FHIT: variants seen among roughly 807,000 people sequenced by gnomAD.
The protein encoded by FHIT is bis(5'-adenosyl)-triphosphatase.
A neutral mutation model predicts 17.9 loss-of-function variants in FHIT; 19 were observed. The ratio of observed to expected loss-of-function variants is 1.06; its 90% CI spans 0.74 to 1.56. FHIT has a LOEUF of 1.56. Among genes scored for constraint, FHIT ranks in the 40% most tolerant of loss-of-function variants. The pLI is 0.00. For missense variants in FHIT, 248 were observed against 189.2 expected, an observed-to-expected ratio of 1.31 and a Z score of -1.82; for synonymous variants, 81 against 69.7, an observed-to-expected ratio of 1.16 and a Z score of -0.81.
intron 5 of FHIT, among the ~76,000 whole-genome samples, chr3:60,038,035 GAATA>G (rs772799179): frequency 1.2e-4 from 19 of 152,136 alleles, no homozygotes; most frequent in Admixed American, 2.6e-4. Context: ...TCTATACTGA[GAATA>G]AATAAACACC....
chr3:61,177,787 AG>A (rs2038204600), intron 2 of FHIT, among the ~76,000 whole-genome samples: 1 of 152,248 alleles, frequency 6.6e-6, no homozygotes, highest in Non-Finnish European at 1.5e-5. Context: ...ACAGATCAGC[AG>A]CCCCACTGGA....
chr3:61,030,444 T>C (rs76690540), intron 3 of FHIT, among the ~76,000 whole-genome samples: 4,825 of 152,304 alleles, frequency 0.032, 166 homozygotes, highest in African/African-American at 0.088. Flanking sequence ...TAAAATTAAA[T>C]AAAATTAAAA....
intron 8 of FHIT, among the ~76,000 whole-genome samples, chr3:59,901,916 T>C (rs7645880): frequency 0.059 from 9,023 of 152,122 alleles, 612 homozygotes; most frequent in African/African-American, 0.17. Flanking sequence ...AACAGATAAG[T>C]AAAATATGGC....
Position 60,942,933 on chromosome 3 carries a change from C to T in FHIT, c.-111+99114G>A, listed in dbSNP as rs1382190870. Among the ~76,000 whole-genome samples the T allele has an allele frequency of 3.3e-5, 5 of 152,126 alleles. No homozygotes were observed. The East Asian group carries it at 9.6e-4, about 29-fold the overall frequency. ...TTTTCTTTGACTCACAAATTATTGA[C>T]AGGTACAGTTTTGAGTTTCCAAATG... On this transcript the variant is annotated intron_variant, in intron 3 of 9. Transcript: ENST00000492590.
intron 1 of FHIT, among the ~76,000 whole-genome samples, chr3:61,242,951 T>C (rs1306273527): frequency 6.6e-6 from 1 of 152,200 alleles, no homozygotes; most frequent in Non-Finnish European, 1.5e-5. Context: ...TAGAATCTTG[T>C]GGCCTCTAGT....
chr3:60,761,331 T>C (rs782639458), intron 4 of FHIT, among the ~76,000 whole-genome samples: 11 of 152,228 alleles, frequency 7.2e-5, no homozygotes, highest in Non-Finnish European at 1.3e-4. Context: ...AACGTGCGTA[T>C]GAGCACATGC....
At chr3:61,146,134 C>T (rs751362812) in intron 2 of FHIT, among the ~76,000 whole-genome samples, 6 of 152,136 alleles carry the variant, frequency 3.9e-5, no homozygotes, top group South Asian at 2.1e-4. Context: ...TTACTTCTTT[C>T]TTAATCCTTT....
rs191549264 is a variant in FHIT at position 59,909,160 on chromosome 3, A to C, written c.348+13186T>G. ...ACAATTCTCCTGCCTCAGCCTCCTG[A>C]GTAGCTGGCACTATAGGCACGCACC... On this transcript the variant is annotated intron_variant, in intron 8 of 9. Transcript: ENST00000492590. 2.0e-5 allele frequency among the ~76,000 whole-genome samples: 3 copies of C among 146,676 alleles called. No individual in the cohort carries two copies. In the East Asian group the frequency reaches 6.2e-4, roughly 30 times the overall value.
chr3:60,691,640 A>G (rs1410011124), intron 4 of FHIT, among the ~76,000 whole-genome samples: 1 of 152,190 alleles, frequency 6.6e-6, no homozygotes, highest in Non-Finnish European at 1.5e-5. Context: ...TGCTGAGATT[A>G]CAGGCTTGAG....
At chr3:60,850,981 C>T (rs1177850672) in intron 3 of FHIT, among the ~76,000 whole-genome samples, 2 of 152,008 alleles carry the variant, frequency 1.3e-5, no homozygotes, top group Non-Finnish European at 2.9e-5. Context: ...TCAAAGAAAC[C>T]TTTTACACTC....
intron 3 of FHIT, among the ~76,000 whole-genome samples, chr3:60,971,412 G>A (rs1009999438): frequency 6.6e-6 from 1 of 152,092 alleles, no homozygotes; most frequent in Non-Finnish European, 1.5e-5. Context: ...TCTCAAATGT[G>A]ATAACCATTT....
intron 3 of FHIT, among the ~76,000 whole-genome samples, chr3:60,950,555 C>T (rs1303507125): frequency 6.7e-6 from 1 of 149,736 alleles, no homozygotes; most frequent in Admixed American, 6.7e-5. Flanking sequence ...CTGACTCTGT[C>T]GCCCAGGCTG....
At chr3:61,225,061 G>A (rs769270164) in intron 1 of FHIT, among the ~76,000 whole-genome samples, 2 of 152,162 alleles carry the variant, frequency 1.3e-5, no homozygotes, top group Admixed American at 6.5e-5. Context: ...CAGAGTTTAA[G>A]TGCAAATCCA....
At chr3:60,351,889 C>G (rs1359678842) in intron 5 of FHIT, among the ~76,000 whole-genome samples, 8 of 152,176 alleles carry the variant, frequency 5.3e-5, no homozygotes, top group Admixed American at 5.2e-4. Context: ...CCTGTGCCCT[C>G]TAAAGATTTA....
intron 1 of FHIT, among the ~76,000 whole-genome samples, chr3:61,209,277 A>C (rs1239457143): frequency 6.6e-5 from 10 of 152,170 alleles, no homozygotes; most frequent in Non-Finnish European, 1.5e-4. Context: ...ACTTTGGTGA[A>C]TCTGACAATG....
At chr3:60,173,735 T>C (rs177138) in intron 5 of FHIT, among the ~76,000 whole-genome samples, 54,700 of 150,742 alleles carry the variant, frequency 0.36, 10,425 homozygotes, top group Middle Eastern at 0.41. Context: ...GTGGACTCTG[T>C]GGGGTCAGGA....
In FHIT at chr3:60,133,013, T is replaced by C. The variant is rs561774340; in HGVS notation, c.104-118861A>G. Among the ~76,000 whole-genome samples the C allele has an allele frequency of 1.6e-3, 237 of 152,214 alleles. 1 individual carries two copies. The highest frequency in any genetic ancestry group is 5.5e-3 in the African/African-American group (228 of 41,540). ...AACATCTACCCAATACAGATTTAAA[T>C]ATAGCAGTGACTGTACACCTACCGA... is the stretch of plus-strand genomic sequence containing the variant. On this transcript the variant is annotated intron_variant, in intron 5 of 9. Transcript: ENST00000492590.
intron 5 of FHIT, among the ~76,000 whole-genome samples, chr3:60,171,358 C>T (rs979452215): frequency 3.3e-5 from 5 of 152,118 alleles, no homozygotes; most frequent in African/African-American, 7.2e-5. Flanking sequence ...TTTATGTGTA[C>T]TTGGAGCCTT....
intron 5 of FHIT, among the ~76,000 whole-genome samples, chr3:60,077,995 A>G (rs1199634157): frequency 6.6e-6 from 1 of 152,074 alleles, no homozygotes; most frequent in Non-Finnish European, 1.5e-5. Context: ...TATTTTTAAA[A>G]AAATGGGAGG....
Sources: allele counts gnomAD v4.1 joint callset (sites outside exome capture counted in the v4.1 genomes callset), GRCh38; gene constraint gnomAD v4.1.1; transcripts MANE v1.5; gene names NCBI Gene and HGNC (gene_info 2026-07-23, HGNC 2026-07-21).